The following DTNB variants were observed in gnomAD, a reference collection of about 807,000 sequenced individuals.
The protein encoded by DTNB is dystrobrevin beta, also known as DTN-B.
Under a neutral mutation model 90.7 loss-of-function variants are expected in DTNB, and 63 were observed. That is an observed-to-expected ratio of 0.69 (90% CI 0.57 to 0.86). The LOEUF is 0.86. DTNB is among the 40% of genes least tolerant of loss of function. The pLI is 0.00. For synonymous variants in DTNB, 277 were observed against 286.7 expected, an observed-to-expected ratio of 0.97 and a Z score of 0.34; for missense variants, 744 against 807.1, an observed-to-expected ratio of 0.92 and a Z score of 0.95.
At chr2:25,540,203 T>C (rs2080879477) in intron 8 of DTNB, among the ~76,000 whole-genome samples, 1 of 152,214 alleles carries the variant, frequency 6.6e-6, no homozygotes. Flanking sequence ...GGGATTTTCA[T>C]GGGAACTGAT....
At chr2:25,400,838 T>C (rs939717256) in intron 16 of DTNB, among the ~76,000 whole-genome samples, 3 of 152,156 alleles carry the variant, frequency 2.0e-5, no homozygotes, top group Non-Finnish European at 1.5e-5. Flanking sequence ...AGGTCCCTTG[T>C]ATAACAGTTG....
At position 25,424,893 on chromosome 2, in the gene DTNB, C is replaced by T. The variant is rs80213147; in HGVS notation, c.1554+2642G>A. Among the ~76,000 whole-genome samples the T allele has an allele frequency of 0.22, 33,286 of 152,018 alleles. 4,132 individuals carry two copies. The highest frequency in any genetic ancestry group is 0.3 in the Non-Finnish European group (20,137 of 67,932). On this transcript the variant is annotated intron_variant, in intron 15 of 20. Transcript: ENST00000406818. This position sits in a 1 kb window ranked among gnomAD's most constrained non-coding sequence, Gnocchi z 4.1. ...ATGTCAGCCAGGCTGAACTCCTGGC[C>T]TCAAGTGATCCACCCATCTTGGCCT...
chr2:25,383,426 C>A (rs10205701), intron 19 of DTNB, among the ~76,000 whole-genome samples: 95,795 of 151,800 alleles, frequency 0.63, 31,072 homozygotes, highest in Non-Finnish European at 0.71. Context: ...CTATGTTGGC[C>A]AGCCTGCTGG....
At chr2:25,605,398 C>T (rs530990670) in intron 5 of DTNB, among the ~76,000 whole-genome samples, 10 of 152,274 alleles carry the variant, frequency 6.6e-5, no homozygotes, top group Admixed American at 2.6e-4. Flanking sequence ...TTGGTCACTT[C>T]GTGTTCCTCC....
chr2:25,480,516 G>A (rs1247464127), intron 10 of DTNB, among the ~76,000 whole-genome samples: 1 of 152,160 alleles, frequency 6.6e-6, no homozygotes, highest in Non-Finnish European at 1.5e-5. Flanking sequence ...AGCCTGAGGG[G>A]TAGGCCTCTA....
Position 25,639,165 on chromosome 2 carries a change from A to T in DTNB, c.68-71T>A, listed in dbSNP as rs148140657. On this transcript the variant is annotated intron_variant, in intron 2 of 20. Transcript: ENST00000406818. Reference sequence around the variant, plus strand: ...TTTCCAAACGCTAGGAAATGACTCCATTCTATTGTATTGTCATAGTATACC... The same window carrying T: ...TTTCCAAACGCTAGGAAATGACTCCTTTCTATTGTATTGTCATAGTATACC... 6.3e-6 allele frequency: 9 copies of T among 1,420,462 alleles called. No individual in the cohort carries two copies. The African/African-American group carries it at 9.9e-5, about 16-fold the overall frequency. The allele number at this position is 1,420,462 out of a possible 1,614,324, so 88.0% of individuals were successfully genotyped here.
intron 9 of DTNB, among the ~76,000 whole-genome samples, chr2:25,514,477 G>A (rs1171591731): frequency 6.6e-6 from 1 of 151,684 alleles, no homozygotes; most frequent in Non-Finnish European, 1.5e-5. Context: ...GTCACTGAAG[G>A]GATAAAAGCC....
At chr2:25,451,740 T>C in intron 11 of DTNB, 105 bp from the exon 12 acceptor site, 1 of 1,157,224 alleles carries the variant, frequency 8.6e-7, no homozygotes, top group East Asian at 2.8e-5. Context: ...AGAATGGTAA[T>C]AAAAGAACTA....
intron 1 of DTNB, among the ~76,000 whole-genome samples, chr2:25,653,515 C>CTTTCTTTCT (rs1394229542): frequency 2.1e-3 from 130 of 62,226 alleles, no homozygotes; most frequent in African/African-American, 0.011. Flanking sequence ...TTCTTTCTTT[C>CTTTCTTTCT]TTTTTTTTTT....
chr2:25,437,630 C>T (rs1357638777), intron 12 of DTNB, among the ~76,000 whole-genome samples: 1 of 152,100 alleles, frequency 6.6e-6, no homozygotes, highest in African/African-American at 2.4e-5. Context: ...AAGTCTCTTC[C>T]TAAAATGCCT....
At chr2:25,400,256 G>T (rs1413305305) in intron 16 of DTNB, among the ~76,000 whole-genome samples, 1 of 152,216 alleles carries the variant, frequency 6.6e-6, no homozygotes, top group Non-Finnish European at 1.5e-5. Flanking sequence ...GAATCTGGCT[G>T]GAGTTTGTTC....
chr2:25,622,925 G>A (rs1380424830), intron 4 of DTNB, among the ~76,000 whole-genome samples: 1 of 152,046 alleles, frequency 6.6e-6, no homozygotes, highest in Admixed American at 6.6e-5. Context: ...AATAGCTAAA[G>A]AAATAACAGA....
intron 9 of DTNB, among the ~76,000 whole-genome samples, chr2:25,500,196 A>C (rs1454696865): frequency 6.6e-6 from 1 of 152,110 alleles, no homozygotes; most frequent in South Asian, 2.1e-4. Context: ...CCACTGTGCC[A>C]GGCCATCTAC....
chr2:25,491,173 GGA>G (rs1258287333), intron 9 of DTNB, among the ~76,000 whole-genome samples: 1 of 55,060 alleles, frequency 1.8e-5, no homozygotes, highest in Non-Finnish European at 4.7e-5. Context: ...ACACACAGAG[GGA>G]GAGAGAGAGG....
intron 6 of DTNB, among the ~76,000 whole-genome samples, chr2:25,581,568 C>T (rs2061557514): frequency 6.6e-6 from 1 of 152,158 alleles, no homozygotes; most frequent in Non-Finnish European, 1.5e-5. Flanking sequence ...ATATAGTAAG[C>T]TTCCACTGTA....
intron 7 of DTNB, 147 bp downstream of exon 7, chr2:25,580,574 G>T: frequency 2.6e-6 from 2 of 776,204 alleles, no homozygotes; most frequent in East Asian, 3.2e-5. Flanking sequence ...AAATTCTTCT[G>T]AAAGCCAAAA....
chr2:25,567,303 T>C (rs1402430772), intron 8 of DTNB, among the ~76,000 whole-genome samples: 2 of 152,136 alleles, frequency 1.3e-5, no homozygotes, highest in African/African-American at 4.8e-5. Context: ...TCAAGAGATG[T>C]GAGGAGAGGG....
In DTNB at chr2:25,403,202, G is replaced by A. The variant is rs531061141; in HGVS notation, c.1576-14841C>T. Among the ~76,000 whole-genome samples the A allele has an allele frequency of 2.0e-3, 297 of 152,236 alleles. 2 individuals carry two copies. Among genetic ancestry groups the A allele is most frequent in the African/African-American group, 4.2e-3 (176 of 41,540 alleles). On this transcript the variant is annotated intron_variant, in intron 16 of 20. Coordinates refer to ENST00000406818, the MANE Select transcript of DTNB (RefSeq NM_021907.5). ...GCAATCTCGGCTCACTGCAACCTCC[G>A]CCTCCTGGGTTCAAGCGATTCTTGT...
rs764217830 is a variant in DTNB at position 25,451,547 on chromosome 2, C to A, written c.1257+1G>T. ...TCTCCTGGGATCCTCCATTAACTTA[C>A]CACGTTTCCTGCTTCTGCAGCCAGC... On this transcript the variant is annotated splice_donor_variant, in intron 12 of 20. Transcript: ENST00000406818. LOFTEE classifies it high-confidence loss of function. 30 of 1,605,586 alleles carry A rather than the reference C, an allele frequency of 1.9e-5. No individual in the cohort carries two copies. Among genetic ancestry groups the A allele is most frequent in the Non-Finnish European group, 2.6e-5 (30 of 1,175,900 alleles).
Sources: gnomAD v4.1 joint callset for allele counts (sites outside exome capture counted in the v4.1 genomes callset) on GRCh38, gnomAD v4.1.1 for gene constraint, Gnocchi (gnomAD v3.1) non-coding constraint, MANE v1.5 for transcripts, NCBI Gene and HGNC (gene_info 2026-07-23, HGNC 2026-07-21) for gene names.